The following DLST variants were observed in gnomAD, a reference collection of about 807,000 sequenced individuals.
DLST encodes the protein dihydrolipoamide S-succinyltransferase, also known as dihydrolipoyllysine-residue succinyltransferase component of 2-oxoglutarate dehydrogenase complex, mitochondrial.
In DLST, 17 loss-of-function variants were observed where a neutral mutation model predicts 53.1. The observed-to-expected ratio is 0.32, with a 90% CI of 0.22 to 0.48. The LOEUF is 0.48. Ranked by LOEUF, DLST falls within the 20% of genes least tolerant of loss-of-function variation. DLST has a pLI of 0.99. For synonymous variants in DLST, 206 were observed against 204.8 expected, an observed-to-expected ratio of 1.01 and a Z score of -0.05; for missense variants, 512 against 583.9, an observed-to-expected ratio of 0.88 and a Z score of 1.27.
At position 74,881,983 on chromosome 14, in the gene DLST, G is replaced by C. The variant is rs758674697; in HGVS notation, c.30G>C (p.Arg10=). The C allele has an allele frequency of 2.5e-6, 4 of 1,573,280 alleles. No individual in the cohort carries two copies. Among genetic ancestry groups the C allele is most frequent in the Admixed American group, 1.7e-5 (1 of 57,682 alleles). ...TGTCCCGATCCCGCTGTGTGTCTCG[G>C]GCGTTCAGCCGCTCGCTCTCCGCCT... The part of the protein sequence containing the change: MLSRSRCVS[R]AFSRSLSAFQ... Residue 10 remains arginine (R), a synonymous_variant, in exon 1 of 15, where the codon CGG becomes CGC. Coordinates refer to ENST00000334220, the MANE Select transcript of DLST (RefSeq NM_001933.5).
intron 3 of DLST, among the ~76,000 whole-genome samples, chr14:74,888,795 T>C (rs1010571566): frequency 3.3e-5 from 5 of 152,112 alleles, no homozygotes; most frequent in African/African-American, 7.2e-5. Context: ...AAGAGCCAAA[T>C]GTAAGTCTGT....
Position 74,881,962 on chromosome 14 carries a change from C to A in DLST, c.9C>A (p.Ser3=). 2 of 1,566,946 alleles carry A rather than the reference C, an allele frequency of 1.3e-6. No homozygotes were observed. The highest frequency in any genetic ancestry group is 1.7e-6 in the Non-Finnish European group (2 of 1,164,162). The part of the protein sequence containing the change: ML[S]RSRCVSRAFS... ...TCGGCTCCTCCGCCGTGATGCTGTC[C>A]CGATCCCGCTGTGTGTCTCGGGCGT... Residue 3 remains serine (S), a synonymous_variant, in exon 1 of 15, where the codon TCC becomes TCA. Coordinates refer to ENST00000334220, the MANE Select transcript of DLST (RefSeq NM_001933.5).
intron 2 of DLST, among the ~76,000 whole-genome samples, chr14:74,884,221 T>TA (rs1883627354): frequency 6.6e-6 from 1 of 152,208 alleles, no homozygotes; most frequent in South Asian, 2.1e-4. Context: ...GCAGGAAAGA[T>TA]AGAGTGGGCT....
At chr14:74,888,143 A>G (rs1883770282) in intron 3 of DLST, among the ~76,000 whole-genome samples, 2 of 152,188 alleles carry the variant, frequency 1.3e-5, no homozygotes, top group Admixed American at 1.3e-4. Context: ...TGTAAAGGCC[A>G]TATCAGTAAA....
chr14:74,900,369 G>C lies in DLST; in HGVS notation c.1056G>C (p.Glu352Asp), dbSNP rs1254370852. 5 of 1,613,620 alleles carry C rather than the reference G, an allele frequency of 3.1e-6. No homozygotes were observed. The highest frequency in any genetic ancestry group is 3.4e-6 in the Non-Finnish European group (4 of 1,179,602). Residue 352 changes from glutamate (E) to aspartate (D), a missense_variant, in exon 13 of 15, where the codon GAG becomes GAC. By Grantham distance (45) the Glu-to-Asp change is conservative. Coordinates refer to ENST00000334220, the MANE Select transcript of DLST (RefSeq NM_001933.5). ...DIERTITELG[E>D]KARKNELAIE... The stretch of plus-strand genomic sequence containing the variant: ...AACGGACCATCACTGAACTGGGAGA[G>C]AAGGTAAAGTAGAAAGATGTATACA...
chr14:74,890,976 C>T, intron 6 of DLST, 80 bp from the exon 7 acceptor site: 1 of 1,531,184 alleles, frequency 6.5e-7, no homozygotes, highest in African/African-American at 1.4e-5. Flanking sequence ...CTGTGCCTGG[C>T]TTCATTGGAG....
At position 74,889,356 on chromosome 14, in the gene DLST, TTTAGTTTCCTA is replaced by T. The variant is rs1180219994; in HGVS notation, c.274+10_274+20del. ...GATGTCAGGTGGGAGAAAGGTAAGA[TTTAGTTTCCTA>T]TTTTTTTTTTTTTTTTTTTTGAGAC... On this transcript the variant is annotated splice_region_variant and intron_variant, in intron 5 of 14. Coordinates refer to ENST00000334220, the MANE Select transcript of DLST (RefSeq NM_001933.5). The T allele has an allele frequency of 6.3e-7, 1 of 1,587,870 alleles. No individual in the cohort carries two copies. Among genetic ancestry groups the T allele is most frequent in the Non-Finnish European group, 8.5e-7 (1 of 1,170,144 alleles).
intron 10 of DLST, among the ~76,000 whole-genome samples, chr14:74,894,774 C>T (rs918631511): frequency 6.6e-6 from 1 of 152,054 alleles, no homozygotes; most frequent in African/African-American, 2.4e-5. Flanking sequence ...GTCTCGATCT[C>T]CTGACCTCGT....
At chr14:74,886,577 A>T (rs184670351) in intron 3 of DLST, among the ~76,000 whole-genome samples, 34 of 152,248 alleles carry the variant, frequency 2.2e-4, no homozygotes, top group Non-Finnish European at 4.7e-4. Flanking sequence ...CAATCCATCC[A>T]CTTGCCTTAG....
At chr14:74,890,042 A>C in intron 6 of DLST, 90 bp downstream of exon 6, 2 of 1,104,764 alleles carry the variant, frequency 1.8e-6, no homozygotes, top group Non-Finnish European at 2.6e-6. Context: ...TTGTTTAGAG[A>C]TAATTTTTAA....
intron 4 of DLST, 26 bp downstream of exon 4, chr14:74,889,173 G>T: frequency 6.2e-7 from 1 of 1,613,424 alleles, no homozygotes; most frequent in South Asian, 1.1e-5. Flanking sequence ...CTTGGGAATG[G>T]AATTTTATGG....
rs574192228 is a variant in DLST at position 74,886,835 on chromosome 14, G to A, written c.146+1201G>A. 3.3e-5 allele frequency among the ~76,000 whole-genome samples: 5 copies of A among 151,762 alleles called. No homozygotes were observed. The East Asian group carries it at 5.8e-4, about 18-fold the overall frequency. Reference sequence around the variant, plus strand: ...CGGCTCACTGCAGCCTCTGCCTCTCGGGTTCCAGCAATTCTCCTGCCTCAG... The same window carrying A: ...CGGCTCACTGCAGCCTCTGCCTCTCAGGTTCCAGCAATTCTCCTGCCTCAG... On this transcript the variant is annotated intron_variant, in intron 3 of 14. Transcript: ENST00000334220.
intron 10 of DLST, among the ~76,000 whole-genome samples, chr14:74,896,457 G>A (rs1294125012): frequency 2.6e-5 from 4 of 152,176 alleles, no homozygotes; most frequent in Non-Finnish European, 5.9e-5. Flanking sequence ...TTTAGTCTGC[G>A]AATCTACTTT....
At chr14:74,886,575 C>T (rs1883712091) in intron 3 of DLST, among the ~76,000 whole-genome samples, 1 of 152,156 alleles carries the variant, frequency 6.6e-6, no homozygotes, top group South Asian at 2.1e-4. Flanking sequence ...AGCAATCCAT[C>T]CACTTGCCTT....
In DLST at chr14:74,882,622, C is replaced by T. The variant is rs770915220; in HGVS notation, c.95C>T (p.Pro32Leu). 5.6e-6 allele frequency: 9 copies of T among 1,613,860 alleles called. No individual in the cohort carries two copies. In the South Asian group the frequency reaches 7.7e-5, roughly 14 times the overall value. Residue 32 changes from proline to leucine, a missense_variant and splice_region_variant, in exon 2 of 15, where the codon CCT (proline) becomes CTT (leucine). Physicochemically the swap from Pro to Leu is moderately conservative, Grantham distance 98. This residue lies in a region of DLST where 129 missense variants were observed against 90.9 expected (regional missense o/e 1.42). Coordinates refer to ENST00000334220, the MANE Select transcript of DLST (RefSeq NM_001933.5). Reference protein sequence around the residue: ...GNCPLGRRSLPGVSLCQGPGY... With the variant: ...GNCPLGRRSLLGVSLCQGPGY... ...TGCCCTCTAGGGAGACGTTCCCTGC[C>T]TGGTAAGTTCTGCCCTTACCGTCAC...
At position 74,897,938 on chromosome 14, in the gene DLST, G is replaced by GTTT. The variant is rs60311929; in HGVS notation, c.771-417_771-415dup. 3.9e-3 allele frequency among the ~76,000 whole-genome samples: 536 copies of GTTT among 136,950 alleles called. 3 individuals carry two copies. The highest frequency in any genetic ancestry group is 0.012 in the African/African-American group (449 of 37,658). 89.8% of individuals were successfully genotyped at this position (136,950 alleles called of 152,430 possible). Reference sequence around the variant, plus strand: ...GGGAGTTATACTCAGATTTGGTGGGGTTTTTTTTTTTTTTTTGTATTCTAA... The same window carrying GTTT: ...GGGAGTTATACTCAGATTTGGTGGGGTTTTTTTTTTTTTTTTTTTGTATTCTAA... On this transcript the variant is annotated intron_variant, in intron 10 of 14. Coordinates refer to ENST00000334220, the MANE Select transcript of DLST (RefSeq NM_001933.5).
chr14:74,889,865 GGTAGCCTT>G (rs1883841737), intron 5 of DLST, 24 bp from the exon 6 acceptor site: 1 of 1,612,852 alleles, frequency 6.2e-7, no homozygotes, highest in Non-Finnish European at 8.5e-7. Flanking sequence ...CCCGCTAACA[GGTAGCCTT>G]GTAGCCTTTG....
rs200233900 is a variant in DLST, at chr14:74,882,542, G to GT, written c.64-40dup. 7,299 of 1,565,802 alleles carry GT rather than the reference G, an allele frequency of 4.7e-3. 86 individuals carry two copies. Among genetic ancestry groups the GT allele is most frequent in the Middle Eastern group, 0.021 (115 of 5,560 alleles). The stretch of plus-strand genomic sequence containing the variant: ...GCGTGTACTTAAAAGAAAAAGCTGG[G>GT]TTTTTTTTTCATCTTGGGTGACGTC... On this transcript the variant is annotated intron_variant, in intron 1 of 14. Transcript: ENST00000334220.
At chr14:74,894,277 C>G in intron 9 of DLST, 35 bp from the exon 10 acceptor site, 1 of 1,611,430 alleles carries the variant, frequency 6.2e-7, no homozygotes, top group Non-Finnish European at 8.5e-7. Flanking sequence ...CCAGAGAGAT[C>G]AGATTGTCAA....
Sources: gnomAD v4.1 joint callset for allele counts (sites outside exome capture counted in the v4.1 genomes callset) on GRCh38, gnomAD v4.1.1 for gene constraint, gnomAD v4.1.1 regional missense constraint, MANE v1.5 for transcripts, NCBI Gene and HGNC (gene_info 2026-07-23, HGNC 2026-07-21) for gene names.